MRTFB: variants seen among roughly 807,000 people sequenced by gnomAD.
The protein encoded by MRTFB is myocardin related transcription factor B.
In MRTFB, 29 loss-of-function variants were observed where a neutral mutation model predicts 104.2. The observed-to-expected ratio is 0.28, with a 90% CI of 0.21 to 0.38. MRTFB has a LOEUF of 0.38. MRTFB is among the 10% of genes least tolerant of loss of function. The probability of loss-of-function intolerance (pLI) is 1.00; values close to 1 mark genes in which losing one functional copy is unlikely to be tolerated. For synonymous variants in MRTFB, 535 were observed against 519.5 expected, an observed-to-expected ratio of 1.03 and a Z score of -0.41; for missense variants, 1,270 against 1,341.6, an observed-to-expected ratio of 0.95 and a Z score of 0.83.
the MRTFB span, among the ~76,000 whole-genome samples, chr16:14,017,308 G>A: frequency 6.0e-5 from 9 of 151,144 alleles, no homozygotes; most frequent in Non-Finnish European, 5.9e-5. Context: ...CGCCCCCCTC[G>A]GCCTCCCAAA....
chr16:14,202,585 T>C (rs1371379447), intron 3 of MRTFB, among the ~76,000 whole-genome samples: 5 of 152,324 alleles, frequency 3.3e-5, no homozygotes, highest in African/African-American at 9.6e-5. Context: ...TAAAGCCTTA[T>C]GGTTTTATAT....
At chr16:14,203,197 A>G (rs1014886913) in intron 3 of MRTFB, among the ~76,000 whole-genome samples, 2 of 151,418 alleles carry the variant, frequency 1.3e-5, no homozygotes, top group Non-Finnish European at 2.9e-5. Context: ...ATTGTCCTGT[A>G]ATTAAGTAAT....
the MRTFB span, among the ~76,000 whole-genome samples, chr16:14,042,187 G>T: frequency 6.6e-6 from 1 of 151,932 alleles, no homozygotes; most frequent in Non-Finnish European, 1.5e-5. Context: ...GTGCAATGGC[G>T]TGATCTCAGC....
intron 8 of MRTFB, among the ~76,000 whole-genome samples, chr16:14,222,228 A>G (rs962979171): frequency 6.6e-6 from 1 of 152,020 alleles, no homozygotes; most frequent in African/African-American, 2.4e-5. Flanking sequence ...CTTAGATTTC[A>G]CTTTCCTTCT....
At chr16:14,231,881 A>C (rs1009788379) in intron 8 of MRTFB, among the ~76,000 whole-genome samples, 1 of 152,186 alleles carries the variant, frequency 6.6e-6, no homozygotes, top group Non-Finnish European at 1.5e-5. Context: ...CAAAATTAGA[A>C]GTTTTGATAT....
chr16:14,104,115 TA>T, intron 2 of MRTFB, among the ~76,000 whole-genome samples: 1 of 152,332 alleles, frequency 6.6e-6, no homozygotes, highest in African/African-American at 2.4e-5. Flanking sequence ...AAAAAACTTA[TA>T]AAAATTACAA....
At chr16:14,252,628 T>A in intron 15 of MRTFB, 126 bp downstream of exon 15, 9 of 1,144,080 alleles carry the variant, frequency 7.9e-6, no homozygotes, top group Non-Finnish European at 1.1e-5. Context: ...AAAAATAACC[T>A]TGTATTTTAC....
chr16:14,252,220 T>C (rs1344082303), intron 14 of MRTFB, 145 bp from the exon 15 acceptor site: 7 of 1,318,000 alleles, frequency 5.3e-6, no homozygotes, highest in Non-Finnish European at 7.3e-6. Flanking sequence ...CCACCAGTGC[T>C]GTCAGCCTCA....
At chr16:14,036,364 C>T in the MRTFB span, among the ~76,000 whole-genome samples, 4 of 134,504 alleles carry the variant, frequency 3.0e-5, no homozygotes, top group Admixed American at 1.7e-4. Context: ...GGTGTCTCCT[C>T]AACACTTAAA....
chr16:14,232,709 G>A (rs940585591), intron 8 of MRTFB, among the ~76,000 whole-genome samples: 2 of 152,194 alleles, frequency 1.3e-5, no homozygotes, highest in Non-Finnish European at 2.9e-5. Flanking sequence ...GCTTGAGAAC[G>A]TGACCCAGTG....
At chr16:14,031,547 A>G in the MRTFB span, among the ~76,000 whole-genome samples, 2 of 152,190 alleles carry the variant, frequency 1.3e-5, no homozygotes, top group African/African-American at 4.8e-5. Flanking sequence ...AGCACATAGA[A>G]AATGTTACCT....
At chr16:14,196,028 G>C (rs2040416027) in intron 3 of MRTFB, among the ~76,000 whole-genome samples, 2 of 152,170 alleles carry the variant, frequency 1.3e-5, no homozygotes, top group African/African-American at 4.8e-5. Context: ...TGTTATCTCT[G>C]CCATTCTGTA....
At chr16:14,005,556 G>C in the MRTFB span, among the ~76,000 whole-genome samples, 1 of 152,212 alleles carries the variant, frequency 6.6e-6, no homozygotes, top group South Asian at 2.1e-4. Context: ...TTTAGTAATT[G>C]TTGAGAGGCC....
intron 3 of MRTFB, among the ~76,000 whole-genome samples, chr16:14,207,821 A>G (rs1437765738): frequency 6.6e-6 from 1 of 152,178 alleles, no homozygotes; most frequent in Non-Finnish European, 1.5e-5. Flanking sequence ...CTAGCAAATT[A>G]TCAAACCTGG....
chr16:14,029,417 A>AT, the MRTFB span, among the ~76,000 whole-genome samples: 205 of 70,332 alleles, frequency 2.9e-3, no homozygotes, highest in Middle Eastern at 7.0e-3. Context: ...AAAAAAAAAA[A>AT]AAATATATAT....
intron 10 of MRTFB, 139 bp from the exon 11 acceptor site, chr16:14,245,389 G>A (rs1418167182): frequency 1.5e-6 from 1 of 662,504 alleles, no homozygotes; most frequent in Non-Finnish European, 2.4e-6. Flanking sequence ...TAATGTAATT[G>A]GCATCTTTAC....
At chr16:14,185,074 G>C (rs577603063) in intron 3 of MRTFB, among the ~76,000 whole-genome samples, 2 of 152,342 alleles carry the variant, frequency 1.3e-5, no homozygotes, top group East Asian at 3.8e-4. Flanking sequence ...AGTTTCTTCA[G>C]AAGAATGTAG....
intron 2 of MRTFB, among the ~76,000 whole-genome samples, chr16:14,099,672 T>TC (rs952671735): frequency 1.0e-5 from 1 of 99,074 alleles, no homozygotes; most frequent in African/African-American, 7.3e-5. Flanking sequence ...TTTCTTTTCT[T>TC]TTTTTTTTTT....
chr16:14,068,160 G>A (rs1164310688), upstream of MRTFB, among the ~76,000 whole-genome samples: 3 of 152,092 alleles, frequency 2.0e-5, no homozygotes, highest in Admixed American at 2.0e-4. Flanking sequence ...CTGTATATGA[G>A]CCCATCCTCC....
Sources: allele counts gnomAD v4.1 joint callset (sites outside exome capture counted in the v4.1 genomes callset), GRCh38; gene constraint gnomAD v4.1.1; transcripts MANE v1.5; gene names NCBI Gene and HGNC (gene_info 2026-07-23, HGNC 2026-07-21).